The following SLC39A12 variants were observed in gnomAD, a reference collection of about 807,000 sequenced individuals.
SLC39A12 encodes the protein solute carrier family 39 member 12.
SLC39A12 carries 63 observed loss-of-function variants against 71.1 expected under a neutral mutation model. The observed-to-expected ratio is 0.89, with a 90% CI of 0.72 to 1.09. SLC39A12 has a LOEUF of 1.09. Among genes scored for constraint, SLC39A12 ranks in the 50% least tolerant of loss-of-function variants. The pLI, the probability that SLC39A12 is intolerant of heterozygous loss-of-function variation, is 0.00. For synonymous variants in SLC39A12, 351 were observed against 301.3 expected (o/e 1.16, Z -1.71); for missense variants, 892 against 812.6 (o/e 1.10, Z -1.19).
intron 12 of SLC39A12, among the ~76,000 whole-genome samples, chr10:18,035,808 A>T (rs1300361866): frequency 1.3e-5 from 2 of 152,082 alleles, no homozygotes; most frequent in Non-Finnish European, 1.5e-5. Context: ...GATGATGGTG[A>T]TGTACAGATG....
intron 2 of SLC39A12, among the ~76,000 whole-genome samples, chr10:17,960,511 A>C (rs1402405146): frequency 2.6e-5 from 4 of 152,338 alleles, no homozygotes; most frequent in Non-Finnish European, 4.4e-5. Context: ...AGTCATTTGT[A>C]AAATTTTTAT....
rs925795258 is a variant in SLC39A12 at position 18,026,334 on chromosome 10, C to T, written c.1948-16371C>T. ...ATAATTTAGTAGGGTGCAGGATTTT[C>T]GGTGGGTGGATTTTTTCTCTTAACA... On this transcript the variant is annotated intron_variant, in intron 12 of 12. Coordinates refer to ENST00000377369, the MANE Select transcript of SLC39A12 (RefSeq NM_001145195.2). Among the ~76,000 whole-genome samples the T allele has an allele frequency of 3.3e-5, 5 of 152,120 alleles. No individual in the cohort carries two copies. In the South Asian group the frequency reaches 6.2e-4, roughly 19 times the overall value.
chr10:18,012,117 T>G (rs1241976707), intron 12 of SLC39A12, among the ~76,000 whole-genome samples: 1 of 152,178 alleles, frequency 6.6e-6, no homozygotes, highest in Non-Finnish European at 1.5e-5. Flanking sequence ...TTCAGGAGAT[T>G]CTTGAGTCAA....
Position 17,987,327 on chromosome 10 carries a change from C to T in SLC39A12, c.1097-152C>T, listed in dbSNP as rs1452822994. 1.1e-5 allele frequency: 7 copies of T among 661,870 alleles called. No homozygotes were observed. In the African/African-American group the frequency reaches 1.3e-4, roughly 12 times the overall value. 41.0% of individuals were successfully genotyped at this position (661,870 alleles called of 1,614,324 possible). ...TCCAGGCTGGGTGACAGACAGAGAG[C>T]CTGTCTCAAAATAAAAACAAAACAC... On this transcript the variant is annotated intron_variant, in intron 6 of 12. Transcript: ENST00000377369.
intron 12 of SLC39A12, among the ~76,000 whole-genome samples, chr10:18,026,238 A>G (rs1051700765): frequency 2.0e-5 from 3 of 152,138 alleles, no homozygotes; most frequent in African/African-American, 7.2e-5. Flanking sequence ...AGGCATGGCT[A>G]CTGGCAACAA....
intron 4 of SLC39A12, among the ~76,000 whole-genome samples, 182 bp downstream of exon 4, chr10:17,965,872 A>C (rs191892706): frequency 8.5e-5 from 13 of 152,334 alleles, no homozygotes; most frequent in East Asian, 7.7e-4. Flanking sequence ...TATGAAAGCT[A>C]TGCGGTGATG....
chr10:18,037,308 T>C (rs1002590711), intron 12 of SLC39A12, among the ~76,000 whole-genome samples: 4 of 152,230 alleles, frequency 2.6e-5, no homozygotes, highest in African/African-American at 7.2e-5. Context: ...TTATGCTTAA[T>C]AGGACATTTC....
chr10:17,965,551 G>C lies in SLC39A12; in HGVS notation c.612G>C (p.Thr204=), dbSNP rs773815080. 3 of 1,614,208 alleles carry C rather than the reference G, an allele frequency of 1.9e-6. No homozygotes were observed. In the South Asian group the frequency reaches 3.3e-5, roughly 18 times the overall value. Residue 204 remains threonine (T), a synonymous_variant, in exon 4 of 13, where the codon ACG becomes ACC. Coordinates refer to ENST00000377369, the MANE Select transcript of SLC39A12 (RefSeq NM_001145195.2). ...GCAGTGAAGGTGCTAATGAAAGTACGCTTCCTCAGTTGGCAGCCATGATCA... is the reference window on the plus strand; with the variant it reads ...GCAGTGAAGGTGCTAATGAAAGTACCCTTCCTCAGTTGGCAGCCATGATCA... ...IVSSEGANES[T]LPQLAAMIIT...
At position 17,965,523 on chromosome 10, in the gene SLC39A12, TG is replaced by T; in HGVS notation, c.585del (p.Ser196AlafsTer16). The T allele has an allele frequency of 6.2e-7, 1 of 1,614,204 alleles. No individual in the cohort carries two copies. The highest frequency in any genetic ancestry group is 8.5e-7 in the Non-Finnish European group (1 of 1,180,038). On this transcript the variant is annotated frameshift_variant, in exon 4 of 13. Coordinates refer to ENST00000377369, the MANE Select transcript of SLC39A12 (RefSeq NM_001145195.2). LOFTEE classifies it high-confidence loss of function. ...TKTLQKKSGI[V>X]SSEGANESTL... ...ACGCTGCAGAAAAAATCTGGAATAGTGAGCAGTGAAGGTGCTAATGAAAGTA... is the reference window on the plus strand; with the variant it reads ...ACGCTGCAGAAAAAATCTGGAATAGTAGCAGTGAAGGTGCTAATGAAAGTA...
chr10:17,979,321 C>G (rs1163634755), intron 5 of SLC39A12, among the ~76,000 whole-genome samples: 1 of 152,092 alleles, frequency 6.6e-6, no homozygotes, highest in Non-Finnish European at 1.5e-5. Context: ...ACCAAGGGCG[C>G]AGAAGTTTGT....
At chr10:18,024,989 G>A (rs1290140161) in intron 12 of SLC39A12, among the ~76,000 whole-genome samples, 2 of 152,024 alleles carry the variant, frequency 1.3e-5, no homozygotes, top group African/African-American at 4.8e-5. Context: ...TTTAAAGCAT[G>A]TTTCTTGTAG....
intron 2 of SLC39A12, among the ~76,000 whole-genome samples, chr10:17,960,201 T>G (rs1348375166): frequency 6.6e-6 from 1 of 152,162 alleles, no homozygotes; most frequent in African/African-American, 2.4e-5. Context: ...GGAGGATTAT[T>G]TTAGTAAAGT....
intron 1 of SLC39A12, 99 bp from the exon 2 acceptor site, chr10:17,953,092 C>G (rs1300860490): frequency 1.4e-6 from 1 of 716,544 alleles, no homozygotes; most frequent in East Asian, 2.7e-5. Flanking sequence ...GTAGAAACAG[C>G]TTGTCATTGC....
chr10:18,042,772 T>A lies in SLC39A12; in HGVS notation c.2015T>A (p.Leu672Ter). The change falls in exon 13 of 13, where the codon TTG (leucine) becomes TAG (stop). Residue 672 changes from leucine (L) to a stop codon, truncating the protein, a stop_gained. Coordinates refer to ENST00000377369, the MANE Select transcript of SLC39A12 (RefSeq NM_001145195.2). LOFTEE classifies it high-confidence loss of function. Reference protein sequence around the residue: ...WMMFLLQNFGLILGWLSLLLL... With the variant: ...WMMFLLQNFG ...ATGTTTCTCCTGCAAAACTTTGGATTGATCCTAGGTTGGCTTTCTCTCCTG... is the reference window on the plus strand; with the variant it reads ...ATGTTTCTCCTGCAAAACTTTGGATAGATCCTAGGTTGGCTTTCTCTCCTG... 6.2e-7 allele frequency: 1 copy of A among 1,613,556 alleles called. No individual in the cohort carries two copies. Among genetic ancestry groups the A allele is most frequent in the Non-Finnish European group, 8.5e-7 (1 of 1,179,806 alleles).
At chr10:18,034,136 T>G (rs1412312871) in intron 12 of SLC39A12, among the ~76,000 whole-genome samples, 78 of 152,278 alleles carry the variant, frequency 5.1e-4, no homozygotes, top group African/African-American at 1.6e-3. Context: ...TGTTGATTTG[T>G]GGTGGAGGGT....
In SLC39A12 at chr10:17,981,375, A is replaced by C; in HGVS notation, c.988A>C (p.Lys330Gln). The C allele has an allele frequency of 6.2e-7, 1 of 1,613,762 alleles. No individual in the cohort carries two copies. The highest frequency in any genetic ancestry group is 1.1e-5 in the South Asian group (1 of 91,026). Reference protein sequence around the residue: ...FLQKGLSLISKEDFKQMSPGI... With the variant: ...FLQKGLSLISQEDFKQMSPGI... ...ACAGAAGGGCCTCTCACTCATTTCT[A>C]AGGAGGACTTTAAGCAAATGAGTCC... Residue 330 changes from lysine to glutamine, a missense_variant, in exon 6 of 13, where the codon AAG becomes CAG. Transcript: ENST00000377369.
chr10:17,981,664 A>G (rs566322275), intron 6 of SLC39A12, among the ~76,000 whole-genome samples, 181 bp downstream of exon 6: 2 of 152,338 alleles, frequency 1.3e-5, no homozygotes, highest in Admixed American at 6.5e-5. Flanking sequence ...CAGATGAGGA[A>G]ACTGAGGCAC....
At chr10:17,954,982 T>C (rs1834503442) in intron 2 of SLC39A12, among the ~76,000 whole-genome samples, 1 of 152,180 alleles carries the variant, frequency 6.6e-6, no homozygotes, top group African/African-American at 2.4e-5. Flanking sequence ...TGTGTTATAA[T>C]AGGCAACTCA....
chr10:18,011,738 T>C (rs1836230885), intron 12 of SLC39A12, among the ~76,000 whole-genome samples: 1 of 152,334 alleles, frequency 6.6e-6, no homozygotes, highest in East Asian at 1.9e-4. Context: ...GCAGGTAACA[T>C]CTTAGTCTCT....
Sources: allele counts gnomAD v4.1 joint callset (sites outside exome capture counted in the v4.1 genomes callset), GRCh38; gene constraint gnomAD v4.1.1; transcripts MANE v1.5; gene names NCBI Gene and HGNC (gene_info 2026-07-23, HGNC 2026-07-21).